The following MEI1 variants were observed in gnomAD, a reference collection of about 807,000 sequenced individuals.
The protein encoded by MEI1 is meiosis inhibitor protein 1.
MEI1 carries 103 observed loss-of-function variants against 146.2 expected under a neutral mutation model. The observed-to-expected ratio is 0.70, with a 90% CI of 0.60 to 0.83. The LOEUF is 0.83. Among genes scored for constraint, MEI1 ranks in the 40% least tolerant of loss-of-function variants. The pLI is 0.00. For synonymous variants in MEI1, 652 were observed against 628.2 expected (o/e 1.04, Z -0.57); for missense variants, 1,529 against 1,533.0 (o/e 1.00, Z 0.04).
intron 7 of MEI1, among the ~76,000 whole-genome samples, chr22:41,725,242 G>A (rs545286738): frequency 1.1e-4 from 17 of 152,124 alleles, no homozygotes; most frequent in Admixed American, 8.5e-4. Context: ...CTCCTGAGTA[G>A]TTGGGATTAC....
intron 16 of MEI1, chr22:41,753,715 G>C: frequency 2.5e-6 from 1 of 400,556 alleles, no homozygotes; most frequent in Non-Finnish European, 4.7e-6. Context: ...CTGACCTCAG[G>C]TGATCCACCA....
At chr22:41,711,845 C>A (rs2069595732) in intron 3 of MEI1, among the ~76,000 whole-genome samples, 1 of 151,660 alleles carries the variant, frequency 6.6e-6, no homozygotes, top group Non-Finnish European at 1.5e-5. Context: ...TAGGAACTTG[C>A]CTATAATTCT....
rs745543540 is a variant in MEI1 at position 41,795,833 on chromosome 22, C to T, written c.3765C>T (p.Pro1255=). 1 of 1,613,538 alleles carries T rather than the reference C, an allele frequency of 6.2e-7. No individual in the cohort carries two copies. Among genetic ancestry groups the T allele is most frequent in the East Asian group, 2.2e-5 (1 of 44,824 alleles). ...CTAGCACCTCCTCAGGCCAGCCACC[C>T]CTGCAGGACATGCTGTATCCTTTCT... The part of the protein sequence containing the change: ...LPPSTSSGQP[P]LQDMLCLGGV... The change falls in exon 30 of 31, where the codon CCC becomes CCT. Residue 1255 remains proline, a synonymous_variant. Coordinates refer to ENST00000401548, the MANE Select transcript of MEI1 (RefSeq NM_152513.4). This position sits in a 1 kb window ranked among gnomAD's most constrained non-coding sequence, Gnocchi z 4.2.
At chr22:41,778,911 A>T (rs767565513) in intron 22 of MEI1, 99 bp downstream of exon 22, 2 of 861,034 alleles carry the variant, frequency 2.3e-6, no homozygotes, top group Non-Finnish European at 3.7e-6. Context: ...CTACTCTTTC[A>T]TCCCTTTGGA....
At chr22:41,717,707 G>A (rs560794269) in intron 5 of MEI1, among the ~76,000 whole-genome samples, 7 of 149,646 alleles carry the variant, frequency 4.7e-5, no homozygotes, top group East Asian at 2.0e-4. Context: ...CCTCTGCCTC[G>A]TGGGTTTCAG....
In MEI1 at chr22:41,703,319, A is replaced by G. The variant is rs749491219; in HGVS notation, c.175-12A>G. The G allele has an allele frequency of 6.2e-7, 1 of 1,610,826 alleles. No individual in the cohort carries two copies. Among genetic ancestry groups the G allele is most frequent in the South Asian group, 1.1e-5 (1 of 90,388 alleles). Reference sequence around the variant, plus strand: ...TGGTTGCTATTGAATGTTTTTCTTCATTTGCTTCAAGTTAGTGCGCAAGAA... The same window carrying G: ...TGGTTGCTATTGAATGTTTTTCTTCGTTTGCTTCAAGTTAGTGCGCAAGAA... On this transcript the variant is annotated splice_polypyrimidine_tract_variant and intron_variant, in intron 1 of 30. Transcript: ENST00000401548.
In MEI1 at chr22:41,731,115, G is replaced by A. The variant is rs571461879; in HGVS notation, c.1096+478G>A. Among the ~76,000 whole-genome samples the A allele has an allele frequency of 1.1e-4, 16 of 145,580 alleles. No homozygotes were observed. In the East Asian group the frequency reaches 3.0e-3, roughly 28 times the overall value. On this transcript the variant is annotated intron_variant, in intron 9 of 30. Coordinates refer to ENST00000401548, the MANE Select transcript of MEI1 (RefSeq NM_152513.4). ...GTCACCCAGGCTGGAGTACAATGGC[G>A]TGATCTCGGCTCACTGCCACCTCTG...
At chr22:41,773,578 AAAAG>A (rs2075296453) in intron 20 of MEI1, among the ~76,000 whole-genome samples, 1 of 150,982 alleles carries the variant, frequency 6.6e-6, no homozygotes, top group African/African-American at 2.4e-5. Flanking sequence ...AAAAAAAAAA[AAAAG>A]AACAGCAAGG....
At chr22:41,751,206 C>T (rs1380939508) in intron 15 of MEI1, among the ~76,000 whole-genome samples, 1 of 152,082 alleles carries the variant, frequency 6.6e-6, no homozygotes, top group African/African-American at 2.4e-5. Context: ...AGCTTGGTGC[C>T]CCTTCCTGGG....
chr22:41,781,837 A>T lies in MEI1; in HGVS notation c.3079A>T (p.Ser1027Cys), dbSNP rs139003476. The T allele has an allele frequency of 6.2e-7, 1 of 1,613,918 alleles. No individual in the cohort carries two copies. The change falls in exon 24 of 31, where the codon AGT becomes TGT. Residue 1027 changes from serine (S) to cysteine (C), a missense_variant. This residue lies in a region of MEI1 where 313 missense variants were observed against 337.3 expected (regional missense o/e 0.93). Coordinates refer to ENST00000401548, the MANE Select transcript of MEI1 (RefSeq NM_152513.4). The part of the protein sequence containing the change: ...ASFSAQQHKG[S>C]LQVHQTLSVE... ...CTTCTCTGCCCAGCAGCACAAGGGC[A>T]GTTTGCAGGTTAGTCTTTAACTCCT...
chr22:41,749,125 A>G (rs984044097), intron 15 of MEI1, among the ~76,000 whole-genome samples: 2 of 151,910 alleles, frequency 1.3e-5, no homozygotes, highest in Admixed American at 6.6e-5. Context: ...TCTCTGTGCT[A>G]TATTTGGCTC....
intron 13 of MEI1, among the ~76,000 whole-genome samples, chr22:41,745,535 A>G (rs2073219740): frequency 6.6e-6 from 1 of 151,954 alleles, no homozygotes; most frequent in African/African-American, 2.4e-5. Flanking sequence ...TATATGTGGG[A>G]TTTGTTGGGT....
At chr22:41,777,356 A>G (rs1165137607) in intron 21 of MEI1, among the ~76,000 whole-genome samples, 1 of 151,032 alleles carries the variant, frequency 6.6e-6, no homozygotes, top group Non-Finnish European at 1.5e-5. Flanking sequence ...GGGTTTCACT[A>G]TATTGGCCAG....
intron 14 of MEI1, among the ~76,000 whole-genome samples, 165 bp from the exon 15 acceptor site, chr22:41,747,942 C>T (rs562109484): frequency 2.0e-5 from 3 of 152,212 alleles, no homozygotes; most frequent in South Asian, 4.1e-4. Flanking sequence ...TACAATCTAT[C>T]AGGTGATCCA....
chr22:41,705,938 C>G (rs1395307350), intron 3 of MEI1, among the ~76,000 whole-genome samples: 1 of 151,972 alleles, frequency 6.6e-6, no homozygotes, highest in African/African-American at 2.4e-5. Context: ...GAGCTCCTGA[C>G]CTCAGGCGAT....
At chr22:41,718,409 A>G (rs2070415472) in intron 6 of MEI1, 135 bp downstream of exon 6, 1 of 739,882 alleles carries the variant, frequency 1.4e-6, no homozygotes, top group Non-Finnish European at 2.2e-6. Flanking sequence ...CTTGAGAGAT[A>G]AGAGACACAC....
At chr22:41,731,976 A>G (rs1345547191) in intron 9 of MEI1, among the ~76,000 whole-genome samples, 1 of 152,116 alleles carries the variant, frequency 6.6e-6, no homozygotes, top group Non-Finnish European at 1.5e-5. Context: ...AGTGGAGAAA[A>G]TATGGCTTGG....
chr22:41,731,178 C>G (rs1293350320), intron 9 of MEI1, among the ~76,000 whole-genome samples: 1 of 151,648 alleles, frequency 6.6e-6, no homozygotes, highest in Non-Finnish European at 1.5e-5. Context: ...CTCAGCCTCC[C>G]GAGTAACTGG....
chr22:41,705,480 T>G (rs535265530), intron 2 of MEI1, 24 bp from the exon 3 acceptor site: 1 of 1,613,012 alleles, frequency 6.2e-7, no homozygotes, highest in African/African-American at 1.3e-5. Context: ...TAACCACCCC[T>G]TTCTTACCTC....
Sources: gnomAD v4.1 joint callset for allele counts (sites outside exome capture counted in the v4.1 genomes callset) on GRCh38, gnomAD v4.1.1 for gene constraint, gnomAD v4.1.1 regional missense constraint, Gnocchi (gnomAD v3.1) non-coding constraint, MANE v1.5 for transcripts, NCBI Gene and HGNC (gene_info 2026-07-23, HGNC 2026-07-21) for gene names.